Variants in MIS18BP1 observed in about 807,000 individuals in gnomAD.
MIS18BP1 encodes MIS18 binding protein 1, also known as mis18-binding protein 1.
In MIS18BP1, 72 loss-of-function variants were observed where a neutral mutation model predicts 116.1. The ratio of observed to expected loss-of-function variants is 0.62; its 90% CI spans 0.51 to 0.75. The LOEUF (loss-of-function observed/expected upper bound fraction) is 0.75. Ranked by LOEUF, MIS18BP1 falls within the 30% of genes least tolerant of loss-of-function variation. MIS18BP1 has a pLI of 0.00. For synonymous variants in MIS18BP1, 386 were observed against 427.0 expected (o/e 0.90, Z 1.18); for missense variants, 1,363 against 1,303.2 (o/e 1.05, Z -0.71).
intron 1 of MIS18BP1, among the ~76,000 whole-genome samples, chr14:45,252,726 G>A (rs957468321): frequency 2.0e-5 from 3 of 150,058 alleles, no homozygotes; most frequent in Non-Finnish European, 3.0e-5. Flanking sequence ...CCAAGGGGAA[G>A]AGTTGGGTAC....
intron 2 of MIS18BP1, 58 bp from the exon 3 acceptor site, chr14:45,242,932 A>G: frequency 8.6e-7 from 1 of 1,158,488 alleles, no homozygotes; most frequent in African/African-American, 1.6e-5. Context: ...ACTAAGAAAA[A>G]AACAGCTTTT....
Position 45,242,361 on chromosome 14 carries a change from G to A in MIS18BP1, c.816C>T (p.Ser272=), listed in dbSNP as rs1218514886. 6 of 1,613,848 alleles carry A rather than the reference G, an allele frequency of 3.7e-6. No homozygotes were observed. Among genetic ancestry groups the A allele is most frequent in the African/African-American group, 1.3e-5 (1 of 74,886 alleles). ...KSKKDTFVLE[S]VDSADEQFQN... The stretch of plus-strand genomic sequence containing the variant: ...GAAATTGTTCATCAGCAGAATCAAC[G>A]CTTTCTAAAACAAACGTGTCCTTTT... Residue 272 remains serine (S), a synonymous_variant, in exon 4 of 17, where the codon AGC becomes AGT. Transcript: ENST00000310806.
intron 2 of MIS18BP1, among the ~76,000 whole-genome samples, chr14:45,246,283 A>G (rs1294827607): frequency 6.6e-6 from 1 of 152,108 alleles, no homozygotes; most frequent in Admixed American, 6.6e-5. Flanking sequence ...CTTCCTTCTG[A>G]GCTCTATCTA....
intron 13 of MIS18BP1, among the ~76,000 whole-genome samples, chr14:45,212,211 G>A (rs1890692981): frequency 6.6e-6 from 1 of 152,142 alleles, no homozygotes; most frequent in Non-Finnish European, 1.5e-5. Context: ...GTGTAGGTGT[G>A]TAACCTTAAT....
At chr14:45,244,922 C>T (rs1891684323) in intron 2 of MIS18BP1, among the ~76,000 whole-genome samples, 1 of 152,202 alleles carries the variant, frequency 6.6e-6, no homozygotes, top group Non-Finnish European at 1.5e-5. Context: ...CTCTCAACTA[C>T]TGAAGGGCAT....
intron 5 of MIS18BP1, among the ~76,000 whole-genome samples, chr14:45,236,201 C>T (rs943045637): frequency 6.6e-6 from 1 of 152,184 alleles, no homozygotes; most frequent in Non-Finnish European, 1.5e-5. Flanking sequence ...GAGGCCTTGT[C>T]TCAGTATCTG....
rs553974230 is a variant in MIS18BP1, at chr14:45,214,297, T to C, written c.3003+2722A>G. On this transcript the variant is annotated intron_variant, in intron 13 of 16. Coordinates refer to ENST00000310806, the MANE Select transcript of MIS18BP1 (RefSeq NM_018353.5). ...TTTACTGAGATAGGAGAAAACCGCC[T>C]TAAGGCTGGAGGTGAGACATGCTAG... Among the ~76,000 whole-genome samples the C allele has an allele frequency of 2.0e-5, 3 of 152,344 alleles. No homozygotes were observed. In the South Asian group the frequency reaches 6.2e-4, roughly 32 times the overall value.
intron 10 of MIS18BP1, among the ~76,000 whole-genome samples, chr14:45,226,531 A>G (rs1301420955): frequency 1.3e-5 from 2 of 152,214 alleles, no homozygotes; most frequent in African/African-American, 4.8e-5. Context: ...CCCAGATTAA[A>G]GAAGGCAAAC....
rs1382019272 is a variant in MIS18BP1, at chr14:45,247,200, G to T, written c.87C>A (p.Ile29=). 7 of 1,612,698 alleles carry T rather than the reference G, an allele frequency of 4.3e-6. No homozygotes were observed. Among genetic ancestry groups the T allele is most frequent in the Non-Finnish European group, 5.9e-6 (7 of 1,179,846 alleles). Residue 29 remains isoleucine (I), a synonymous_variant, in exon 2 of 17, where the codon ATC becomes ATA. Coordinates refer to ENST00000310806, the MANE Select transcript of MIS18BP1 (RefSeq NM_018353.5). ...TGCCTGAAGGAATGCTGTCAAAAAA[G>T]ATTGCATCCATGGGTAGATTTCTCC... ...SQRRNLPMDA[I]FFDSIPSGTL... is the part of the protein sequence containing the mutation.
intron 4 of MIS18BP1, 109 bp from the exon 5 acceptor site, chr14:45,237,830 C>T: frequency 7.2e-7 from 1 of 1,382,038 alleles, no homozygotes. Flanking sequence ...TCCAAATATT[C>T]CTTAGTGTCA....
chr14:45,224,372 A>C lies in MIS18BP1; in HGVS notation c.2215T>G (p.Ser739Ala). ...AGTCTGGTATTTTTCTTAAAGTCAG[A>C]GGTGAGCATTTGTTCCTTTTCAAGG... ...SNLEKEQMLT[S>A]DFKKNTRLLP... The change falls in exon 11 of 17, where the codon TCT (serine) becomes GCT (alanine). Residue 739 changes from serine to alanine, a missense_variant. Physicochemically the swap from Ser to Ala is moderately conservative, Grantham distance 99. Transcript: ENST00000310806. 6.2e-7 allele frequency: 1 copy of C among 1,613,554 alleles called. No individual in the cohort carries two copies. Among genetic ancestry groups the C allele is most frequent in the South Asian group, 1.1e-5 (1 of 90,906 alleles).
chr14:45,206,662 T>G (rs529140177), intron 14 of MIS18BP1, among the ~76,000 whole-genome samples: 49 of 152,320 alleles, frequency 3.2e-4, no homozygotes, highest in African/African-American at 1.1e-3. Context: ...CCTATGGAGA[T>G]GGACAAAATG....
intron 15 of MIS18BP1, among the ~76,000 whole-genome samples, chr14:45,205,361 AG>A (rs1890485645): frequency 6.6e-6 from 1 of 152,154 alleles, no homozygotes; most frequent in African/African-American, 2.4e-5. Context: ...AAGGGAATCA[AG>A]GGGGTTCCCA....
chr14:45,227,565 A>AC, intron 9 of MIS18BP1, 98 bp downstream of exon 9: 1 of 1,042,866 alleles, frequency 9.6e-7, no homozygotes, highest in Non-Finnish European at 1.4e-6. Flanking sequence ...AAAAAAAAAA[A>AC]CAGAACTCAC....
In MIS18BP1 at chr14:45,203,719, A is replaced by G. The variant is rs144718346; in HGVS notation, c.*390T>C. 1.3e-3 allele frequency: 206 copies of G among 153,950 alleles called. 1 individual carries two copies. Among genetic ancestry groups the G allele is most frequent in the Non-Finnish European group, 1.8e-3 (124 of 69,374 alleles). 9.5% of individuals were successfully genotyped at this position (153,950 alleles called of 1,614,324 possible). On this transcript the variant is annotated 3_prime_UTR_variant, in exon 17 of 17. Coordinates refer to ENST00000310806, the MANE Select transcript of MIS18BP1 (RefSeq NM_018353.5). ...TAACTTAAAAGTTTTCATGAATTCA[A>G]TAGCTACCAATACAACCTCTGTCAT...
intron 13 of MIS18BP1, among the ~76,000 whole-genome samples, chr14:45,214,713 T>A (rs1890768901): frequency 6.6e-6 from 1 of 152,206 alleles, no homozygotes; most frequent in Non-Finnish European, 1.5e-5. Context: ...GAAAATGATA[T>A]AATTTGTTGC....
At chr14:45,237,504 C>A in intron 5 of MIS18BP1, 144 bp downstream of exon 5, 1 of 907,746 alleles carries the variant, frequency 1.1e-6, no homozygotes, top group Non-Finnish European at 1.6e-6. Flanking sequence ...CTAGGACCTG[C>A]ACAGTAATTT....
rs762867020 is a variant in MIS18BP1 at position 45,235,957 on chromosome 14, A to AC, written c.1218-14_1218-13insG. On this transcript the variant is annotated splice_polypyrimidine_tract_variant and intron_variant, in intron 5 of 16. Transcript: ENST00000310806. Reference sequence around the variant, plus strand: ...GTTAGTGACGTCTCTAGGAAAAAAAAATAGTTTTGGTAAGGTCAAAATATT... The same window carrying AC: ...GTTAGTGACGTCTCTAGGAAAAAAAACATAGTTTTGGTAAGGTCAAAATATT... 1.1e-5 allele frequency: 17 copies of AC among 1,591,122 alleles called. No homozygotes were observed. Among genetic ancestry groups the AC allele is most frequent in the Non-Finnish European group, 1.5e-5 (17 of 1,171,234 alleles).
intron 1 of MIS18BP1, among the ~76,000 whole-genome samples, chr14:45,252,145 C>T (rs993694485): frequency 2.0e-5 from 3 of 152,138 alleles, no homozygotes; most frequent in African/African-American, 7.2e-5. Flanking sequence ...CGATTCTACC[C>T]GACTCCATAG....
Sources: allele counts gnomAD v4.1 joint callset (sites outside exome capture counted in the v4.1 genomes callset), GRCh38; gene constraint gnomAD v4.1.1; transcripts MANE v1.5; gene names NCBI Gene and HGNC (gene_info 2026-07-23, HGNC 2026-07-21).